PCDHGA1: variants seen among roughly 807,000 people sequenced by gnomAD.
PCDHGA1 encodes protocadherin gamma subfamily A, 1.
In PCDHGA1, 32 loss-of-function variants were observed where a neutral mutation model predicts 58.0. The observed-to-expected ratio is 0.55, with a 90% CI of 0.42 to 0.74. The LOEUF is 0.74. Ranked by LOEUF, PCDHGA1 falls within the 30% of genes least tolerant of loss-of-function variation. The pLI is 0.00. For missense variants in PCDHGA1, 1,205 were observed against 1,182.3 expected, an observed-to-expected ratio of 1.02 and a Z score of -0.28; for synonymous variants, 498 against 501.1, an observed-to-expected ratio of 0.99 and a Z score of 0.08.
chr5:141,430,033 C>T (rs556099456), intron 1 of PCDHGA1, among the ~76,000 whole-genome samples: 1 of 152,066 alleles, frequency 6.6e-6, no homozygotes, highest in Non-Finnish European at 1.5e-5. Context: ...AAGTGTGATT[C>T]TGATAATGTA....
chr5:141,331,967 G>A lies in PCDHGA1; in HGVS notation c.1283G>A (p.Gly428Glu), dbSNP rs769606895. The change falls in exon 1 of 4, where the codon GGA becomes GAA. Residue 428 changes from glycine to glutamate, a missense_variant. Coordinates refer to ENST00000517417, the MANE Select transcript of PCDHGA1 (RefSeq NM_018912.3). ...ATCACAATAACAGCAATAGACCAAG[G>A]AACTCCAGCTCTATCTACTGAAACT... is the stretch of plus-strand genomic sequence containing the variant. ...YNITITAIDQGTPALSTETHI... is the reference protein window; with the variant it reads ...YNITITAIDQETPALSTETHI... The A allele has an allele frequency of 1.2e-5, 20 of 1,613,938 alleles. No individual in the cohort carries two copies. The Admixed American group carries it at 2.7e-4, about 22-fold the overall frequency.
At chr5:141,438,957 C>T (rs1292059651) in intron 1 of PCDHGA1, among the ~76,000 whole-genome samples, 1 of 152,026 alleles carries the variant, frequency 6.6e-6, no homozygotes, top group Non-Finnish European at 1.5e-5. Context: ...TGAGCCACCG[C>T]ACCCTGCCAA....
intron 1 of PCDHGA1, chr5:141,376,390 T>C (rs776058989): frequency 1.0e-4 from 166 of 1,614,188 alleles, no homozygotes; most frequent in Middle Eastern, 1.6e-4. Flanking sequence ...GTCATCTGAT[T>C]TTCCCCCAGC....
chr5:141,352,242 C>T (rs1428205327), intron 1 of PCDHGA1: 1 of 1,614,092 alleles, frequency 6.2e-7, no homozygotes, highest in Admixed American at 1.7e-5. Flanking sequence ...CTAATCTTCG[C>T]GGATAGCCTG....
chr5:141,484,530 A>G (rs1406516272), intron 1 of PCDHGA1, among the ~76,000 whole-genome samples: 1 of 152,200 alleles, frequency 6.6e-6, no homozygotes, highest in East Asian at 1.9e-4. Context: ...TTTTGAGTAT[A>G]TGGCAGTGGT....
At chr5:141,338,381 C>A (rs1025741845) in intron 1 of PCDHGA1, among the ~76,000 whole-genome samples, 2 of 152,106 alleles carry the variant, frequency 1.3e-5, no homozygotes, top group Non-Finnish European at 1.5e-5. Flanking sequence ...AAATATATAA[C>A]CTTAGAAGAA....
At chr5:141,468,755 A>G (rs918829539) in intron 1 of PCDHGA1, among the ~76,000 whole-genome samples, 3 of 151,976 alleles carry the variant, frequency 2.0e-5, no homozygotes, top group African/African-American at 7.2e-5. Flanking sequence ...AGTCCCAGCT[A>G]CTCGGGAGGC....
chr5:141,351,168 T>C (rs1758662853), intron 1 of PCDHGA1: 1 of 1,613,866 alleles, frequency 6.2e-7, no homozygotes, highest in African/African-American at 1.3e-5. Flanking sequence ...AATGGCACAT[T>C]GGATTTTGAA....
chr5:141,370,911 A>C lies in PCDHGA1; in HGVS notation c.2421+37806A>C, dbSNP rs1463962287. On this transcript the variant is annotated intron_variant, in intron 1 of 3. Transcript: ENST00000517417. ...CAATTCGCTGCAGCAGTACTACCTCAGCCCTGATCCGCACTTCTCTTTGAT... is the reference window on the plus strand; with the variant it reads ...CAATTCGCTGCAGCAGTACTACCTCCGCCCTGATCCGCACTTCTCTTTGAT... 3.7e-6 allele frequency: 6 copies of C among 1,613,916 alleles called. No homozygotes were observed. In the Admixed American group the frequency reaches 1.0e-4, roughly 27 times the overall value.
chr5:141,399,356 A>G, intron 1 of PCDHGA1: 1 of 1,614,010 alleles, frequency 6.2e-7, no homozygotes, highest in Non-Finnish European at 8.5e-7. Flanking sequence ...GACCGAGAGC[A>G]AACCCCGGAG....
Position 141,511,643 on chromosome 5 carries a change from C to T in PCDHGA1, c.*470C>T, listed in dbSNP as rs937995879. ...TGAAAAGTTGGAAGGGCATCATGACCTCTTGGCCTCTCCTTTGATTCTCAA... is the reference window on the plus strand; with the variant it reads ...TGAAAAGTTGGAAGGGCATCATGACTTCTTGGCCTCTCCTTTGATTCTCAA... On this transcript the variant is annotated 3_prime_UTR_variant, in exon 4 of 4. Coordinates refer to ENST00000517417, the MANE Select transcript of PCDHGA1 (RefSeq NM_018912.3). 4 of 218,904 alleles carry T rather than the reference C, an allele frequency of 1.8e-5. No homozygotes were observed. The highest frequency in any genetic ancestry group is 5.2e-5 in the Admixed American group (1 of 19,306). 13.6% of individuals were successfully genotyped at this position (218,904 alleles called of 1,614,324 possible). A position where few individuals can be genotyped will look rare whatever the true frequency, so the allele number is the denominator to read the frequency against.
In PCDHGA1 at chr5:141,487,258, G is replaced by T. The variant is rs368598017; in HGVS notation, c.2422-7549G>T. On this transcript the variant is annotated intron_variant, in intron 1 of 3. Transcript: ENST00000517417. The surrounding 1 kb of genome is among the most constrained non-coding windows in gnomAD (Gnocchi z 5.0). ...CTCGTCTAACCCTCTACTTGGCTGT[G>T]TCCCTAGTGGCAATTTGCTTTGTCT... 1.5e-4 allele frequency: 240 copies of T among 1,614,026 alleles called. 1 individual carries two copies. The highest frequency in any genetic ancestry group is 3.3e-5 in the Admixed American group (2 of 60,004).
intron 1 of PCDHGA1, chr5:141,340,398 C>T: frequency 6.2e-7 from 1 of 1,614,172 alleles, no homozygotes; most frequent in Non-Finnish European, 8.5e-7. Context: ...TCAGTGACGG[C>T]CCATGACCCC....
At chr5:141,421,523 C>G in intron 1 of PCDHGA1, 1 of 1,614,034 alleles carries the variant, frequency 6.2e-7, no homozygotes, top group Non-Finnish European at 8.5e-7. Context: ...CTCTGTGAGA[C>G]GGTGTCCTCC....
intron 1 of PCDHGA1, chr5:141,350,743 C>G (rs1342170939): frequency 6.2e-7 from 1 of 1,613,930 alleles, no homozygotes; most frequent in East Asian, 2.2e-5. Context: ...ATGTGGAAGG[C>G]AATTCACTGA....
intron 1 of PCDHGA1, chr5:141,362,219 C>A (rs368538544): frequency 6.2e-7 from 1 of 1,614,034 alleles, no homozygotes; most frequent in Non-Finnish European, 8.5e-7. Context: ...CTGGTTGTGG[C>A]CTTGGCCTTG....
chr5:141,492,050 C>CT, intron 1 of PCDHGA1: 1 of 501,102 alleles, frequency 2.0e-6, no homozygotes, highest in Non-Finnish European at 3.5e-6. Flanking sequence ...AGATCCACCC[C>CT]TGCAGCCAGC....
At chr5:141,500,012 A>G (rs2099795840) in intron 2 of PCDHGA1, among the ~76,000 whole-genome samples, 1 of 151,622 alleles carries the variant, frequency 6.6e-6, no homozygotes, top group Non-Finnish European at 1.5e-5. Flanking sequence ...TAAGGTCCAC[A>G]TTTTATATTT....
At chr5:141,366,394 C>A in intron 1 of PCDHGA1, 1 of 1,614,168 alleles carries the variant, frequency 6.2e-7, no homozygotes, top group Non-Finnish European at 8.5e-7. Flanking sequence ...AGGATCTGGA[C>A]CTCACACTCT....
Sources: gnomAD v4.1 joint callset for allele counts (sites outside exome capture counted in the v4.1 genomes callset) on GRCh38, gnomAD v4.1.1 for gene constraint, Gnocchi (gnomAD v3.1) non-coding constraint, MANE v1.5 for transcripts, NCBI Gene and HGNC (gene_info 2026-07-23, HGNC 2026-07-21) for gene names.